HNRNPD: variants seen among roughly 807,000 people sequenced by gnomAD.
HNRNPD encodes heterogeneous nuclear ribonucleoprotein D.
In HNRNPD, 3 loss-of-function variants were observed where a neutral mutation model predicts 47.9. The observed-to-expected ratio is 0.06, with a 90% CI of 0.03 to 0.16. The LOEUF is 0.16. HNRNPD is among the 10% of genes least tolerant of loss of function. The pLI is 1.00. For synonymous variants in HNRNPD, 171 were observed against 165.1 expected, an observed-to-expected ratio of 1.04 and a Z score of -0.28; for missense variants, 287 against 454.2, an observed-to-expected ratio of 0.63 and a Z score of 3.35.
At chr4:82,355,216 CTCTT>C in intron 8 of HNRNPD, 84 bp downstream of exon 8, 1 of 758,424 alleles carries the variant, frequency 1.3e-6, no homozygotes, top group South Asian at 1.6e-5. Context: ...TGCTGTGAAA[CTCTT>C]AAATTAAGCA....
chr4:82,360,833 C>T lies in HNRNPD; in HGVS notation c.291-1194G>A, dbSNP rs150772036. On this transcript the variant is annotated intron_variant, in intron 2 of 8. Transcript: ENST00000313899. ...TTGAATTAGGGTCTTTCTTCACTTC[C>T]TCCAAGATACCTGATTAACTGAGGT... 6.0e-3 allele frequency among the ~76,000 whole-genome samples: 916 copies of T among 152,288 alleles called. 6 individuals carry two copies. Among genetic ancestry groups the T allele is most frequent in the African/African-American group, 0.021 (864 of 41,572 alleles).
At chr4:82,364,381 C>T (rs1367043875) in intron 2 of HNRNPD, among the ~76,000 whole-genome samples, 1 of 152,192 alleles carries the variant, frequency 6.6e-6, no homozygotes, top group Non-Finnish European at 1.5e-5. Context: ...AACTAGTTAA[C>T]ACACTTAAAG....
At position 82,371,444 on chromosome 4, in the gene HNRNPD, A is replaced by G. The variant is rs1359657807; in HGVS notation, c.290+84T>C. 6 of 1,051,660 alleles carry G rather than the reference A, an allele frequency of 5.7e-6. No individual in the cohort carries two copies. The Admixed American group carries it at 6.3e-5, about 11-fold the overall frequency. 65.1% of individuals were successfully genotyped at this position (1,051,660 alleles called of 1,614,324 possible). A position where few individuals can be genotyped will look rare whatever the true frequency, so the allele number is the denominator to read the frequency against. On this transcript the variant is annotated intron_variant, in intron 2 of 8. Coordinates refer to ENST00000313899, the MANE Select transcript of HNRNPD (RefSeq NM_031370.3). ...ATGGTCTAGAATTTCCTGGGGATCA[A>G]TGGGCAACTAACCAATACACAGCCT... is the stretch of plus-strand genomic sequence containing the variant.
At chr4:82,365,540 G>A (rs1436355731) in intron 2 of HNRNPD, among the ~76,000 whole-genome samples, 1 of 151,846 alleles carries the variant, frequency 6.6e-6, no homozygotes, top group Non-Finnish European at 1.5e-5. Context: ...TTGGGAGAGA[G>A]CTTGACAAGC....
chr4:82,373,247 A>AG (rs1720173241), intron 1 of HNRNPD, 199 bp downstream of exon 1: 8 of 746,946 alleles, frequency 1.1e-5, no homozygotes, highest in Admixed American at 4.5e-5. Flanking sequence ...GTGATGGGGG[A>AG]GGGGGGCGAT....
intron 2 of HNRNPD, among the ~76,000 whole-genome samples, chr4:82,370,284 T>C (rs1348001762): frequency 6.6e-6 from 1 of 152,238 alleles, no homozygotes; most frequent in Non-Finnish European, 1.5e-5. Context: ...TACATCGTTT[T>C]AGGTAGCAGG....
In HNRNPD at chr4:82,357,294, A is replaced by G. The variant is rs1723756482; in HGVS notation, c.753+19T>C. The G allele has an allele frequency of 6.3e-7, 1 of 1,599,044 alleles. No individual in the cohort carries two copies. The highest frequency in any genetic ancestry group is 8.5e-7 in the Non-Finnish European group (1 of 1,174,386). ...ACAACAGCTAGTTTTCTCTACAAGTAAATGGATGCTTAACTTACTTTACTA... is the reference window on the plus strand; with the variant it reads ...ACAACAGCTAGTTTTCTCTACAAGTGAATGGATGCTTAACTTACTTTACTA... On this transcript the variant is annotated intron_variant, in intron 5 of 8. Coordinates refer to ENST00000313899, the MANE Select transcript of HNRNPD (RefSeq NM_031370.3).
intron 1 of HNRNPD, chr4:82,373,226 T>C (rs1720170371): frequency 1.4e-6 from 1 of 718,768 alleles, no homozygotes; most frequent in Non-Finnish European, 2.4e-6. Context: ...CGGCTAAAGG[T>C]GGAAACGTGT....
At chr4:82,371,805 G>A (rs1436662165) in intron 1 of HNRNPD, among the ~76,000 whole-genome samples, 1 of 152,088 alleles carries the variant, frequency 6.6e-6, no homozygotes, top group Non-Finnish European at 1.5e-5. Flanking sequence ...ACAGAATTCA[G>A]CAAACGAAAA....
intron 1 of HNRNPD, 102 bp from the exon 2 acceptor site, chr4:82,371,686 G>A (rs1405652801): frequency 1.2e-6 from 1 of 840,238 alleles, no homozygotes; most frequent in Non-Finnish European, 1.9e-6. Context: ...TTCAACAGTA[G>A]GTAACTATAA....
At position 82,353,965 on chromosome 4, in the gene HNRNPD, T is replaced by C. The variant is rs895865878; in HGVS notation, c.*220A>G. The C allele has an allele frequency of 2.6e-5, 4 of 152,662 alleles. No homozygotes were observed. Among genetic ancestry groups the C allele is most frequent in the Admixed American group, 6.5e-5 (1 of 15,284 alleles). The allele number at this position is 152,662 out of a possible 1,614,324, so 9.5% of individuals were successfully genotyped here. A position where few individuals can be genotyped will look rare whatever the true frequency, so the allele number is the denominator to read the frequency against. On this transcript the variant is annotated 3_prime_UTR_variant, in exon 9 of 9. Transcript: ENST00000313899. ...TAAAACACAAATTGATTCTGAAGCA[T>C]AGCAATTAAGAAATAAAACAATGAA...
rs1723552575 is a variant in HNRNPD at position 82,352,814 on chromosome 4, TA to T, written c.*1370del. On this transcript the variant is annotated 3_prime_UTR_variant, in exon 9 of 9. Transcript: ENST00000313899. ...TATCATAAAAAAACTTTAATAACACTAACTTTTGCTCATTAAAATGTTTGCT... is the reference window on the plus strand; with the variant it reads ...TATCATAAAAAAACTTTAATAACACTACTTTTGCTCATTAAAATGTTTGCT... 6.6e-6 allele frequency: 1 copy of T among 152,174 alleles called. No individual in the cohort carries two copies. The highest frequency in any genetic ancestry group is 6.5e-5 in the Admixed American group (1 of 15,284). 9.4% of individuals were successfully genotyped at this position (152,174 alleles called of 1,614,324 possible).
intron 2 of HNRNPD, among the ~76,000 whole-genome samples, chr4:82,369,380 G>C (rs1237032053): frequency 1.3e-5 from 2 of 152,158 alleles, no homozygotes; most frequent in African/African-American, 2.4e-5. Flanking sequence ...GTAAACTGTA[G>C]AAACATCCAC....
rs1723605000 is a variant in HNRNPD at position 82,353,717 on chromosome 4, T to A, written c.*468A>T. ...TTGCTAAAAACATTTCAAACTTCACTGCAATTTTAATCATGTCCTCAATTT... is the reference window on the plus strand; with the variant it reads ...TTGCTAAAAACATTTCAAACTTCACAGCAATTTTAATCATGTCCTCAATTT... On this transcript the variant is annotated 3_prime_UTR_variant, in exon 9 of 9. Coordinates refer to ENST00000313899, the MANE Select transcript of HNRNPD (RefSeq NM_031370.3). The A allele has an allele frequency of 6.5e-6, 1 of 152,672 alleles. No individual in the cohort carries two copies. The highest frequency in any genetic ancestry group is 1.5e-5 in the Non-Finnish European group (1 of 68,026). The allele number at this position is 152,672 out of a possible 1,614,324, so 9.5% of individuals were successfully genotyped here.
chr4:82,366,183 CCTAA>C (rs1719746341), intron 2 of HNRNPD, among the ~76,000 whole-genome samples: 2 of 152,240 alleles, frequency 1.3e-5, no homozygotes, highest in Non-Finnish European at 2.9e-5. Context: ...TTAGAATGAA[CCTAA>C]CTAAATGACT....
intron 2 of HNRNPD, 54 bp downstream of exon 2, chr4:82,371,474 A>G (rs747533653): frequency 1.5e-5 from 21 of 1,384,640 alleles, no homozygotes; most frequent in Non-Finnish European, 2.0e-5. Flanking sequence ...CAGCCTCTAC[A>G]TATTATGACT....
At chr4:82,370,683 T>G (rs1045147) in intron 2 of HNRNPD, among the ~76,000 whole-genome samples, 25,649 of 152,148 alleles carry the variant, frequency 0.17, 2,594 homozygotes, top group Non-Finnish European at 0.23. Context: ...ATGTAGCTTG[T>G]AAAGATATAA....
intron 2 of HNRNPD, among the ~76,000 whole-genome samples, chr4:82,365,971 C>T (rs1719733889): frequency 6.6e-6 from 1 of 151,636 alleles, no homozygotes; most frequent in African/African-American, 2.4e-5. Flanking sequence ...AAATCTTCCC[C>T]AAAAAACACT....
chr4:82,373,570 C>G lies in HNRNPD; in HGVS notation c.109G>C (p.Ala37Pro). 6.5e-7 allele frequency: 1 copy of G among 1,537,858 alleles called. No homozygotes were observed. The highest frequency in any genetic ancestry group is 8.7e-7 in the Non-Finnish European group (1 of 1,143,520). ...EGAMVAATQG[A>P]AAAAGSGAGT... ...GCTCCGCTTCCCGCCGCCGCCGCTG[C>G]CCCCTGTGTCGCCGCCACCATGGCT... The change falls in exon 1 of 9, where the codon GCA becomes CCA. Residue 37 changes from alanine to proline, a missense_variant. Ala to Pro is a conservative substitution (Grantham distance 27). Around this residue, in one of 5 missense-constraint regions of HNRNPD, gnomAD observed 161 missense variants for 137.1 expected, o/e 1.17. Coordinates refer to ENST00000313899, the MANE Select transcript of HNRNPD (RefSeq NM_031370.3).
Sources: allele counts gnomAD v4.1 joint callset (sites outside exome capture counted in the v4.1 genomes callset), GRCh38; gene constraint gnomAD v4.1.1; regional missense constraint gnomAD v4.1.1; transcripts MANE v1.5; gene names NCBI Gene and HGNC (gene_info 2026-07-23, HGNC 2026-07-21).